Variants in ATXN2L observed in about 807,000 individuals in gnomAD.
ATXN2L encodes ataxin 2 like, also known as ataxin-2-like protein.
In ATXN2L, 24 loss-of-function variants were observed where a neutral mutation model predicts 120.7. That is an observed-to-expected ratio of 0.20 (90% CI 0.14 to 0.28). ATXN2L has a LOEUF of 0.28. ATXN2L is among the 10% of genes least tolerant of loss of function. ATXN2L has a pLI of 1.00. For synonymous variants in ATXN2L, 653 were observed against 568.1 expected, an observed-to-expected ratio of 1.15 and a Z score of -2.13; for missense variants, 1,312 against 1,432.3, an observed-to-expected ratio of 0.92 and a Z score of 1.36.
At chr16:28,826,832 G>C in intron 5 of ATXN2L, 30 bp from the exon 6 acceptor site, 1 of 1,516,180 alleles carries the variant, frequency 6.6e-7, no homozygotes, top group Non-Finnish European at 8.9e-7. Flanking sequence ...AATATAGCCT[G>C]ACTCCTGATC....
At position 28,836,921 on chromosome 16, in the gene ATXN2L, A is replaced by C; in HGVS notation, c.*656A>C. ...GGGGAATTCCTGCCAAGCACCTTGA[A>C]TGGGAGGGGCCTCACAGAGGGCAGG... On this transcript the variant is annotated 3_prime_UTR_variant, in exon 22 of 22. Coordinates refer to ENST00000336783, the MANE Select transcript of ATXN2L (RefSeq NM_007245.4). 1 of 875,514 alleles carries C rather than the reference A, an allele frequency of 1.1e-6. No individual in the cohort carries two copies. The highest frequency in any genetic ancestry group is 1.8e-6 in the Non-Finnish European group (1 of 562,056). The allele number at this position is 875,514 out of a possible 1,614,324, so 54.2% of individuals were successfully genotyped here.
chr16:28,825,111 G>A (rs564742518), intron 1 of ATXN2L, among the ~76,000 whole-genome samples: 142 of 151,750 alleles, frequency 9.4e-4, no homozygotes, highest in Middle Eastern at 6.9e-3. Flanking sequence ...CAGCCACTCG[G>A]GAGGCTGAGG....
At position 28,825,659 on chromosome 16, in the gene ATXN2L, G is replaced by A. The variant is rs2051632165; in HGVS notation, c.372G>A (p.Leu124=). 2 of 1,614,042 alleles carry A rather than the reference G, an allele frequency of 1.2e-6. No individual in the cohort carries two copies. Among genetic ancestry groups the A allele is most frequent in the Admixed American group, 1.7e-5 (1 of 59,998 alleles). ...GCGTCTACAACAATTCCAGAATGCT[G>A]CATTTCCTTACAGCTGTTGTGGTAA... The part of the protein sequence containing the change: ...FEGVYNNSRM[L]HFLTAVVGST... Residue 124 remains leucine, a synonymous_variant, in exon 3 of 22, where the codon CTG becomes CTA. Coordinates refer to ENST00000336783, the MANE Select transcript of ATXN2L (RefSeq NM_007245.4).
In ATXN2L at chr16:28,834,216, G is replaced by A. The variant is rs1751690080; in HGVS notation, c.2172+5G>A. ...CACATGGGACCAGCTGTGCAGGTAT[G>A]CAGAGAGACTGGCCGGGCCCAGGGT... On this transcript the variant is annotated splice_donor_5th_base_variant and intron_variant, in intron 16 of 21. Transcript: ENST00000336783. 6.2e-7 allele frequency: 1 copy of A among 1,612,762 alleles called. No homozygotes were observed. Among genetic ancestry groups the A allele is most frequent in the African/African-American group, 1.3e-5 (1 of 74,906 alleles).
intron 6 of ATXN2L, among the ~76,000 whole-genome samples, chr16:28,827,766 A>G (rs1006314332): frequency 3.3e-5 from 5 of 152,084 alleles, no homozygotes; most frequent in Non-Finnish European, 7.4e-5. Flanking sequence ...GCTCATGAAT[A>G]GAGCTGAGCG....
chr16:28,832,702 C>A, intron 12 of ATXN2L, 115 bp from the exon 13 acceptor site: 2 of 1,408,534 alleles, frequency 1.4e-6, no homozygotes, highest in South Asian at 1.2e-5. Context: ...CTTCTGTGAT[C>A]CTCAAGAGTT....
In ATXN2L at chr16:28,830,936, CAAAAAAAAA is replaced by C. The variant is rs373844681; in HGVS notation, c.1211-17_1211-9del. The stretch of plus-strand genomic sequence containing the variant: ...CGTCTGCCTCCTGACATTTTCTTCT[CAAAAAAAAA>C]AAAAAAAACCAAACAGGCCCTTCCC... On this transcript the variant is annotated splice_polypyrimidine_tract_variant and intron_variant, in intron 9 of 21. Coordinates refer to ENST00000336783, the MANE Select transcript of ATXN2L (RefSeq NM_007245.4). The C allele has an allele frequency of 1.9e-5, 24 of 1,271,054 alleles. No homozygotes were observed. In the Admixed American group the frequency reaches 3.6e-4, roughly 19 times the overall value. The allele number at this position is 1,271,054 out of a possible 1,614,324, so 78.7% of individuals were successfully genotyped here.
chr16:28,833,715 G>C, intron 15 of ATXN2L: 2 of 463,028 alleles, frequency 4.3e-6, no homozygotes, highest in Non-Finnish European at 7.7e-6. Flanking sequence ...GTGATCAGGG[G>C]ATCAGGGATC....
Position 28,836,326 on chromosome 16 carries a change from T to C in ATXN2L, c.*61T>C. 6.2e-7 allele frequency: 1 copy of C among 1,612,226 alleles called. No individual in the cohort carries two copies. Among genetic ancestry groups the C allele is most frequent in the Non-Finnish European group, 8.5e-7 (1 of 1,179,260 alleles). Reference sequence around the variant, plus strand: ...CGCCGACCTGCACCTGTCTGTGAAGTATGTAGGGTGGGCAGAAGCCACAGT... The same window carrying C: ...CGCCGACCTGCACCTGTCTGTGAAGCATGTAGGGTGGGCAGAAGCCACAGT... On this transcript the variant is annotated 3_prime_UTR_variant, in exon 22 of 22. Coordinates refer to ENST00000336783, the MANE Select transcript of ATXN2L (RefSeq NM_007245.4).
chr16:28,834,057 T>A lies in ATXN2L; in HGVS notation c.2026-8T>A, dbSNP rs1404984297. On this transcript the variant is annotated splice_region_variant and splice_polypyrimidine_tract_variant and intron_variant, in intron 15 of 21. Transcript: ENST00000336783. ...ACAAAATAAAATTGTCCTCCCTTGTTTTTGCAGAATAAATCCACCAGTACC... is the reference window on the plus strand; with the variant it reads ...ACAAAATAAAATTGTCCTCCCTTGTATTTGCAGAATAAATCCACCAGTACC... 3 of 1,611,220 alleles carry A rather than the reference T, an allele frequency of 1.9e-6. No homozygotes were observed. In the Admixed American group the frequency reaches 5.1e-5, roughly 27 times the overall value.
chr16:28,829,464 A>G lies in ATXN2L; in HGVS notation c.805A>G (p.Thr269Ala). The G allele has an allele frequency of 6.2e-7, 1 of 1,610,664 alleles. No homozygotes were observed. The highest frequency in any genetic ancestry group is 1.1e-5 in the South Asian group (1 of 91,006). The part of the protein sequence containing the change: ...FNEENYGVKT[T>A]YDSSLSSYTV... ...TGAGGAGAACTACGGTGTGAAGACT[A>G]CCTATGATAGCAGTCTTTCTTCTTA... is the stretch of plus-strand genomic sequence containing the variant. The change falls in exon 7 of 22, where the codon ACC (threonine) becomes GCC (alanine). Residue 269 changes from threonine (T) to alanine (A), a missense_variant. By Grantham distance (58) the Thr-to-Ala change is moderately conservative. Coordinates refer to ENST00000336783, the MANE Select transcript of ATXN2L (RefSeq NM_007245.4).
intron 11 of ATXN2L, 27 bp from the exon 12 acceptor site, chr16:28,832,469 T>G: frequency 1.2e-6 from 2 of 1,613,172 alleles, no homozygotes; most frequent in Non-Finnish European, 1.7e-6. Context: ...CAGAAGGACC[T>G]TTAGGCATTT....
chr16:28,833,320 A>G lies in ATXN2L; in HGVS notation c.1921A>G (p.Lys641Glu), dbSNP rs774729785. ...TGGCAGCCCCCCGGTGGGCCTCATC[A>G]AGGGAGAAGACAAAGATGAGGGCCC... ...QTGSPPVGLI[K>E]GEDKDEGPVA... Residue 641 changes from lysine (K) to glutamate (E), a missense_variant, in exon 14 of 22, where the codon AAG becomes GAG. Coordinates refer to ENST00000336783, the MANE Select transcript of ATXN2L (RefSeq NM_007245.4). 1 of 1,613,754 alleles carries G rather than the reference A, an allele frequency of 6.2e-7. No homozygotes were observed. The highest frequency in any genetic ancestry group is 8.5e-7 in the Non-Finnish European group (1 of 1,179,756).
rs2050231090 is a variant in ATXN2L at position 28,823,207 on chromosome 16, C to T, written c.-53C>T. ...GCGCTCTCCAGCGGGGCCCCAGCCC[C>T]GGCCCCCTCTCTCCCTCCCTTCTCT... On this transcript the variant is annotated 5_prime_UTR_variant, in exon 1 of 22. Transcript: ENST00000336783. 5 of 1,233,086 alleles carry T rather than the reference C, an allele frequency of 4.1e-6. No homozygotes were observed. The highest frequency in any genetic ancestry group is 2.3e-5 in the South Asian group (1 of 44,238). The allele number at this position is 1,233,086 out of a possible 1,614,324, so 76.4% of individuals were successfully genotyped here. A position where few individuals can be genotyped will look rare whatever the true frequency, so the allele number is the denominator to read the frequency against.
intron 16 of ATXN2L, 51 bp downstream of exon 16, chr16:28,834,262 G>A: frequency 1.2e-6 from 2 of 1,610,498 alleles, no homozygotes; most frequent in Non-Finnish European, 1.7e-6. Flanking sequence ...GGATTTGGTT[G>A]CGCTGGTTGA....
rs1250808225 is a variant in ATXN2L, at chr16:28,835,318, C to T, written c.2604C>T (p.Leu868=). 1 of 1,613,704 alleles carries T rather than the reference C, an allele frequency of 6.2e-7. No individual in the cohort carries two copies. The highest frequency in any genetic ancestry group is 1.3e-5 in the African/African-American group (1 of 75,014). Residue 868 remains leucine, a synonymous_variant, in exon 20 of 22, where the codon CTC becomes CTT. Transcript: ENST00000336783. Reference sequence around the variant, plus strand: ...CCTACCCACACCATGCCACACAGCTCCATGCCCACCAGCCGCAGCCGGCTA... The same window carrying T: ...CCTACCCACACCATGCCACACAGCTTCATGCCCACCAGCCGCAGCCGGCTA... The part of the protein sequence containing the change: ...HQSYPHHATQ[L]HAHQPQPATT...
At chr16:28,835,804 G>T (rs373615515) in intron 21 of ATXN2L, 46 bp downstream of exon 21, 2 of 1,610,214 alleles carry the variant, frequency 1.2e-6, no homozygotes, top group Non-Finnish European at 8.5e-7. Context: ...GCCAGGGCCC[G>T]TCTGCCATGG....
rs774089469 is a variant in ATXN2L, at chr16:28,837,028, A to G, written c.*763A>G. The G allele has an allele frequency of 1.2e-5, 8 of 665,792 alleles. No individual in the cohort carries two copies. The highest frequency in any genetic ancestry group is 3.0e-5 in the South Asian group (2 of 65,676). 41.2% of individuals were successfully genotyped at this position (665,792 alleles called of 1,614,324 possible). ...GTCTTGCCCTCCCATCCTCTCATCTATTCCCCCGCTGGAGACGGAAGATCT... is the reference window on the plus strand; with the variant it reads ...GTCTTGCCCTCCCATCCTCTCATCTGTTCCCCCGCTGGAGACGGAAGATCT... On this transcript the variant is annotated 3_prime_UTR_variant, in exon 22 of 22. Transcript: ENST00000336783.
At chr16:28,832,985 C>G in intron 13 of ATXN2L, 74 bp from the exon 14 acceptor site, 1 of 1,590,174 alleles carries the variant, frequency 6.3e-7, no homozygotes, top group Non-Finnish European at 8.6e-7. Context: ...GAGATGAGAT[C>G]AAAAAAGGAT....
Sources: allele counts gnomAD v4.1 joint callset (sites outside exome capture counted in the v4.1 genomes callset), GRCh38; gene constraint gnomAD v4.1.1; transcripts MANE v1.5; gene names NCBI Gene and HGNC (gene_info 2026-07-23, HGNC 2026-07-21).